The following HSD17B12 variants were observed in gnomAD, a reference collection of about 807,000 sequenced individuals.
HSD17B12 encodes the protein hydroxysteroid 17-beta dehydrogenase 12.
Under a neutral mutation model 39.3 loss-of-function variants are expected in HSD17B12, and 32 were observed. That is an observed-to-expected ratio of 0.81 (90% CI 0.61 to 1.09). The LOEUF (loss-of-function observed/expected upper bound fraction) is 1.09, where lower values mean the gene tolerates loss of function less well. HSD17B12 is among the 50% of genes least tolerant of loss of function. HSD17B12 has a pLI of 0.00. For missense variants in HSD17B12, 342 were observed against 382.9 expected (o/e 0.89, Z 0.89); for synonymous variants, 150 against 146.7 (o/e 1.02, Z -0.16).
At chr11:43,559,741 G>A in the HSD17B12 span, 1 of 155,946 alleles carries the variant, frequency 6.4e-6, no homozygotes, top group Non-Finnish European at 1.5e-5. Flanking sequence ...AGGAGTGTCA[G>A]TTGCCCCTTC....
In HSD17B12 at chr11:43,838,385, A is replaced by G. The variant is rs1243576018; in HGVS notation, c.605A>G (p.Tyr202Cys). 5.6e-6 allele frequency: 9 copies of G among 1,611,252 alleles called. No homozygotes were observed. Among genetic ancestry groups the G allele is most frequent in the Non-Finnish European group, 7.6e-6 (9 of 1,177,534 alleles). The change falls in exon 8 of 11, where the codon TAT becomes TGT. Residue 202 changes from tyrosine (Y) to cysteine (C), a missense_variant. Transcript: ENST00000278353. The stretch of plus-strand genomic sequence containing the variant: ...CTCCCTGTCCCACTCTTGACCATCT[A>G]TTCTGCAACCAAGGTAAAAAATATT... ...GMLPVPLLTI[Y>C]SATKTFVDFF...
chr11:43,649,551 G>A, the HSD17B12 span, among the ~76,000 whole-genome samples: 1 of 152,194 alleles, frequency 6.6e-6, no homozygotes, highest in African/African-American at 2.4e-5. Flanking sequence ...ACACAGCCAT[G>A]GCTGGGCAAT....
At chr11:43,817,022 CTATATCTATATCTATATCTATATA>C (rs1565099968) in intron 6 of HSD17B12, among the ~76,000 whole-genome samples, 8 of 20,792 alleles carry the variant, frequency 3.8e-4, no homozygotes, top group African/African-American at 8.3e-4. Context: ...ATATCTATAT[CTATATCTATATCTATATCTATATA>C]TATATATATA....
chr11:43,713,401 A>T (rs1950089006), intron 1 of HSD17B12, among the ~76,000 whole-genome samples: 1 of 151,464 alleles, frequency 6.6e-6, no homozygotes, highest in Admixed American at 6.6e-5. Flanking sequence ...TCTTTGCGAT[A>T]GTTTGCTGAG....
chr11:43,754,174 C>A, intron 3 of HSD17B12, 53 bp downstream of exon 3: 2 of 1,212,036 alleles, frequency 1.7e-6, no homozygotes, highest in Non-Finnish European at 2.4e-6. Context: ...TGTTTTCAAG[C>A]AGTTATCCGA....
the HSD17B12 span, among the ~76,000 whole-genome samples, chr11:43,626,775 A>G: frequency 6.6e-6 from 1 of 152,140 alleles, no homozygotes; most frequent in Non-Finnish European, 1.5e-5. Context: ...ATCTTACTAA[A>G]TATTTACATT....
chr11:43,726,455 C>T (rs1408811361), intron 1 of HSD17B12, among the ~76,000 whole-genome samples: 1 of 152,114 alleles, frequency 6.6e-6, no homozygotes, highest in Non-Finnish European at 1.5e-5. Flanking sequence ...AAACAGTTAC[C>T]CACAATTTCC....
At chr11:43,702,462 G>A (rs973744579) in intron 1 of HSD17B12, among the ~76,000 whole-genome samples, 1 of 152,120 alleles carries the variant, frequency 6.6e-6, no homozygotes, top group Non-Finnish European at 1.5e-5. Context: ...GCTGGCTGAG[G>A]GGCTGTTGAG....
intron 3 of HSD17B12, 118 bp from the exon 4 acceptor site, chr11:43,798,202 T>C (rs1196286278): frequency 1.6e-6 from 1 of 639,354 alleles, no homozygotes; most frequent in Non-Finnish European, 2.8e-6. Context: ...GTGTAAATTT[T>C]GTATCAAATT....
intron 6 of HSD17B12, among the ~76,000 whole-genome samples, chr11:43,824,193 C>T (rs1283769395): frequency 6.6e-6 from 1 of 152,186 alleles, no homozygotes; most frequent in Non-Finnish European, 1.5e-5. Context: ...ACAGTCCCCA[C>T]CAGTCCCTAT....
the HSD17B12 span, among the ~76,000 whole-genome samples, chr11:43,618,963 A>G: frequency 1.3e-5 from 2 of 151,580 alleles, no homozygotes; most frequent in African/African-American, 4.8e-5. Flanking sequence ...AGGCAGACAA[A>G]GGGTAAATAA....
chr11:43,724,220 T>C (rs1403808417), intron 1 of HSD17B12: 1 of 29,548 alleles, frequency 3.4e-5, no homozygotes, highest in Non-Finnish European at 6.9e-5. Flanking sequence ...GTGTATGCTC[T>C]GTGTGTGTGT....
chr11:43,709,317 G>C (rs1332240435), intron 1 of HSD17B12, among the ~76,000 whole-genome samples: 2 of 152,198 alleles, frequency 1.3e-5, no homozygotes, highest in Non-Finnish European at 2.9e-5. Context: ...GTAGAGACAG[G>C]GTTTTGCCAT....
chr11:43,709,258 G>A (rs1003252169), intron 1 of HSD17B12, among the ~76,000 whole-genome samples: 1 of 152,102 alleles, frequency 6.6e-6, no homozygotes, highest in Non-Finnish European at 1.5e-5. Context: ...CCCGAGTAGC[G>A]GGGATTACAG....
At chr11:43,724,126 A>G (rs1950199422) in intron 1 of HSD17B12, 1 of 152,096 alleles carries the variant, frequency 6.6e-6, no homozygotes, top group Non-Finnish European at 1.5e-5. Flanking sequence ...GGCAAGGAAA[A>G]GAGAATTGCA....
At chr11:43,653,129 C>G in the HSD17B12 span, among the ~76,000 whole-genome samples, 6 of 152,094 alleles carry the variant, frequency 3.9e-5, no homozygotes, top group African/African-American at 1.4e-4. Flanking sequence ...GATTCTGTTT[C>G]CTGAAGAATC....
chr11:43,584,322 A>G, the HSD17B12 span, among the ~76,000 whole-genome samples: 14 of 152,190 alleles, frequency 9.2e-5, no homozygotes, highest in South Asian at 4.1e-4. Context: ...GACCAGGGCC[A>G]TCTTCTCTGT....
chr11:43,855,055 A>T (rs1012996762), intron 10 of HSD17B12, 89 bp from the exon 11 acceptor site: 4 of 1,121,198 alleles, frequency 3.6e-6, no homozygotes. Context: ...AAATAAAAAC[A>T]ACACTATAAT....
chr11:43,800,037 G>A (rs1368480558), intron 4 of HSD17B12, among the ~76,000 whole-genome samples: 2 of 152,124 alleles, frequency 1.3e-5, no homozygotes, highest in Non-Finnish European at 2.9e-5. Context: ...TGTATTGCTG[G>A]GAGTCCTTCA....
Sources: allele counts gnomAD v4.1 joint callset (sites outside exome capture counted in the v4.1 genomes callset), GRCh38; gene constraint gnomAD v4.1.1; transcripts MANE v1.5; gene names NCBI Gene and HGNC (gene_info 2026-07-23, HGNC 2026-07-21).